The following ATRNL1 variants were observed in gnomAD, a reference collection of about 807,000 sequenced individuals.
The protein encoded by ATRNL1 is attractin-like protein 1.
ATRNL1 carries 95 observed loss-of-function variants against 182.7 expected under a neutral mutation model. The ratio of observed to expected loss-of-function variants is 0.52; its 90% CI spans 0.44 to 0.62. The LOEUF is 0.62. Ranked by LOEUF, ATRNL1 falls within the 20% of genes least tolerant of loss-of-function variation. ATRNL1 has a pLI of 0.00. For missense variants in ATRNL1, 1,471 were observed against 1,679.5 expected, an observed-to-expected ratio of 0.88 and a Z score of 2.17; for synonymous variants, 576 against 568.3, an observed-to-expected ratio of 1.01 and a Z score of -0.19.
intron 28 of ATRNL1, among the ~76,000 whole-genome samples, chr10:115,898,741 G>A (rs112670194): frequency 9.2e-5 from 14 of 152,214 alleles, no homozygotes; most frequent in African/African-American, 3.1e-4. Context: ...AATGAATGAC[G>A]AACCCCTGAT....
chr10:115,201,958 G>T (rs1181891937), intron 8 of ATRNL1, among the ~76,000 whole-genome samples: 2 of 152,032 alleles, frequency 1.3e-5, no homozygotes, highest in African/African-American at 4.8e-5. Context: ...TCCCTTGTAA[G>T]TTGGATTCCT....
intron 19 of ATRNL1, among the ~76,000 whole-genome samples, chr10:115,375,471 A>C (rs1857621790): frequency 6.6e-6 from 1 of 152,054 alleles, no homozygotes; most frequent in African/African-American, 2.4e-5. Context: ...AGTTTAAAGT[A>C]ATTACTGATA....
At chr10:115,324,177 T>C (rs1854747661) in intron 18 of ATRNL1, among the ~76,000 whole-genome samples, 1 of 152,192 alleles carries the variant, frequency 6.6e-6, no homozygotes, top group African/African-American at 2.4e-5. Context: ...TTTTGAGATT[T>C]AATTTAGAAT....
chr10:115,345,013 C>T (rs1343830189), intron 19 of ATRNL1, among the ~76,000 whole-genome samples: 1 of 152,200 alleles, frequency 6.6e-6, no homozygotes, highest in Non-Finnish European at 1.5e-5. Flanking sequence ...CACCTCTTCT[C>T]AGGTGGAAGT....
chr10:115,290,314 C>T (rs142613565), intron 15 of ATRNL1, among the ~76,000 whole-genome samples: 304 of 152,080 alleles, frequency 2.0e-3, no homozygotes, highest in Middle Eastern at 0.01. Context: ...AGGTTCTTTG[C>T]CTCACACCAA....
chr10:115,531,647 T>G (rs1420461964), intron 25 of ATRNL1, among the ~76,000 whole-genome samples: 4 of 151,106 alleles, frequency 2.6e-5, no homozygotes, highest in African/African-American at 9.7e-5. Flanking sequence ...ATCCCATTTG[T>G]CAATTTTGGC....
chr10:115,767,830 A>G (rs183385019), intron 27 of ATRNL1, among the ~76,000 whole-genome samples: 1 of 152,314 alleles, frequency 6.6e-6, no homozygotes, highest in East Asian at 1.9e-4. Flanking sequence ...TCCTGACTGC[A>G]TATCAGAATC....
chr10:115,335,010 A>T (rs902912624), intron 19 of ATRNL1, among the ~76,000 whole-genome samples: 8 of 152,176 alleles, frequency 5.3e-5, no homozygotes, highest in Non-Finnish European at 4.4e-5. Context: ...ATGAGATTTT[A>T]TGTAATATAG....
At position 115,697,725 on chromosome 10, in the gene ATRNL1, T is replaced by C. The variant is rs377161907; in HGVS notation, c.3796-29523T>C. 7.2e-5 allele frequency among the ~76,000 whole-genome samples: 11 copies of C among 152,310 alleles called. No homozygotes were observed. In the East Asian group the frequency reaches 1.7e-3, roughly 24 times the overall value. The stretch of plus-strand genomic sequence containing the variant: ...ATGTTATGACATGTATGATATGCTA[T>C]TTTGGAATCTCATTTGAGTTAGAGG... On this transcript the variant is annotated intron_variant, in intron 26 of 28. Coordinates refer to ENST00000355044, the MANE Select transcript of ATRNL1 (RefSeq NM_207303.4).
chr10:115,135,073 A>G (rs1323079310), intron 5 of ATRNL1, among the ~76,000 whole-genome samples: 3 of 152,172 alleles, frequency 2.0e-5, no homozygotes, highest in Admixed American at 1.3e-4. Context: ...ACCCACAGCC[A>G]ATATCATACC....
At chr10:115,361,844 C>T (rs1554944297) in intron 19 of ATRNL1, among the ~76,000 whole-genome samples, 3 of 151,972 alleles carry the variant, frequency 2.0e-5, no homozygotes, top group African/African-American at 7.2e-5. Context: ...TGGAAGATTC[C>T]AGTTACTTAA....
chr10:115,536,288 T>G (rs181749835), intron 25 of ATRNL1, among the ~76,000 whole-genome samples: 134 of 152,290 alleles, frequency 8.8e-4, no homozygotes, highest in Non-Finnish European at 1.5e-3. Context: ...CCAGATTCTT[T>G]GTTTACCTAA....
intron 28 of ATRNL1, among the ~76,000 whole-genome samples, chr10:115,913,715 A>G (rs1015551989): frequency 6.6e-5 from 10 of 152,142 alleles, no homozygotes; most frequent in Middle Eastern, 3.2e-3. Flanking sequence ...CAGCCTCCAG[A>G]GTGTAGGACA....
chr10:115,383,258 A>T (rs782130779), intron 19 of ATRNL1, among the ~76,000 whole-genome samples: 36 of 151,844 alleles, frequency 2.4e-4, no homozygotes, highest in Non-Finnish European at 4.6e-4. Context: ...GTTTGCCTAA[A>T]TTTGCTTTGC....
At chr10:115,645,685 A>G (rs986657036) in intron 26 of ATRNL1, among the ~76,000 whole-genome samples, 27 of 151,996 alleles carry the variant, frequency 1.8e-4, no homozygotes, top group African/African-American at 6.5e-4. Flanking sequence ...CAGGATTGAC[A>G]ATAACAGACA....
chr10:115,531,472 G>C (rs550207432), intron 25 of ATRNL1, among the ~76,000 whole-genome samples: 1 of 152,064 alleles, frequency 6.6e-6, no homozygotes, highest in Admixed American at 6.6e-5. Flanking sequence ...TTTTGATGGG[G>C]TTGTTTGTTT....
intron 20 of ATRNL1, among the ~76,000 whole-genome samples, chr10:115,413,369 A>G (rs1368705992): frequency 6.6e-6 from 1 of 152,148 alleles, no homozygotes; most frequent in Non-Finnish European, 1.5e-5. Flanking sequence ...AGGACGTGAC[A>G]TTAATGAAAA....
At chr10:115,811,344 T>G (rs1412994539) in intron 27 of ATRNL1, among the ~76,000 whole-genome samples, 2 of 151,966 alleles carry the variant, frequency 1.3e-5, no homozygotes, top group African/African-American at 2.4e-5. Context: ...ACTCTATGGT[T>G]TTTATCTTTT....
At chr10:115,800,610 A>G (rs1228756480) in intron 27 of ATRNL1, among the ~76,000 whole-genome samples, 3 of 152,174 alleles carry the variant, frequency 2.0e-5, no homozygotes, top group Non-Finnish European at 4.4e-5. Flanking sequence ...GGCTCCTACC[A>G]TGACCATTAA....
Sources: gnomAD v4.1 joint callset for allele counts (sites outside exome capture counted in the v4.1 genomes callset) on GRCh38, gnomAD v4.1.1 for gene constraint, MANE v1.5 for transcripts, NCBI Gene and HGNC (gene_info 2026-07-23, HGNC 2026-07-21) for gene names.